FKBP9: variants seen among roughly 807,000 people sequenced by gnomAD.
FKBP9 encodes the protein peptidyl-prolyl cis-trans isomerase FKBP9.
A neutral mutation model predicts 55.6 loss-of-function variants in FKBP9; 27 were observed. That is an observed-to-expected ratio of 0.49 (90% confidence interval 0.36 to 0.67). The LOEUF is 0.67. FKBP9 is among the 30% of genes least tolerant of loss of function. FKBP9 has a pLI of 0.00. For missense variants in FKBP9, 539 were observed against 742.8 expected, an observed-to-expected ratio of 0.73 and a Z score of 3.19; for synonymous variants, 267 against 296.5, an observed-to-expected ratio of 0.90 and a Z score of 1.02.
intron 6 of FKBP9, among the ~76,000 whole-genome samples, chr7:32,995,263 G>A (rs1421029531): frequency 6.6e-6 from 1 of 151,912 alleles, no homozygotes; most frequent in Non-Finnish European, 1.5e-5. Flanking sequence ...TACCTAACCT[G>A]AGTTGGTTTT....
chr7:32,995,733 A>AC (rs1341672310), intron 6 of FKBP9, among the ~76,000 whole-genome samples: 1 of 152,058 alleles, frequency 6.6e-6, no homozygotes, highest in East Asian at 1.9e-4. Context: ...CAGTGGTAGG[A>AC]CATTGGAGTG....
At chr7:33,005,064 G>T (rs894216291) in intron 9 of FKBP9, 111 bp from the exon 10 acceptor site, 3 of 1,465,526 alleles carry the variant, frequency 2.0e-6, no homozygotes, top group Admixed American at 2.5e-5. Flanking sequence ...TGTGTTGGTA[G>T]CCCAGACTCA....
At chr7:33,002,485 A>G (rs1784952380) in intron 8 of FKBP9, among the ~76,000 whole-genome samples, 191 bp from the exon 9 acceptor site, 2 of 152,150 alleles carry the variant, frequency 1.3e-5, no homozygotes, top group Admixed American at 6.6e-5. Flanking sequence ...ACCACCCTCT[A>G]AACTGATTTC....
At chr7:32,968,473 C>T (rs1025277739) in intron 1 of FKBP9, among the ~76,000 whole-genome samples, 3 of 152,134 alleles carry the variant, frequency 2.0e-5, no homozygotes, top group African/African-American at 7.2e-5. Flanking sequence ...ATTCCAATTT[C>T]TCCATATCCT....
chr7:32,999,155 G>T (rs1562576051), intron 7 of FKBP9, among the ~76,000 whole-genome samples: 1 of 152,102 alleles, frequency 6.6e-6, no homozygotes, highest in African/African-American at 2.4e-5. Flanking sequence ...CCCTGTCTTG[G>T]TTTGCTGGTA....
rs6964996 is a variant in FKBP9 at position 33,000,854 on chromosome 7, A to G, written c.1372+594A>G. Among the ~76,000 whole-genome samples the G allele has an allele frequency of 5.6e-3, 850 of 152,050 alleles. 8 individuals carry two copies. Among genetic ancestry groups the G allele is most frequent in the African/African-American group, 0.02 (811 of 41,434 alleles). On this transcript the variant is annotated intron_variant, in intron 8 of 9. Coordinates refer to ENST00000242209, the MANE Select transcript of FKBP9 (RefSeq NM_007270.5). Reference sequence around the variant, plus strand: ...GGAGTGCAGTGGCACCATCATGGCTAACTGCAGCCTTGAACTCCTGGGCTC... The same window carrying G: ...GGAGTGCAGTGGCACCATCATGGCTGACTGCAGCCTTGAACTCCTGGGCTC...
intron 1 of FKBP9, among the ~76,000 whole-genome samples, chr7:32,973,262 A>T (rs138795727): frequency 1.8e-3 from 270 of 152,260 alleles, no homozygotes; most frequent in African/African-American, 6.2e-3. Flanking sequence ...GAAGAAGATA[A>T]AGGTGTGAGT....
intron 1 of FKBP9, among the ~76,000 whole-genome samples, chr7:32,965,523 A>T (rs1784115272): frequency 1.3e-5 from 2 of 151,950 alleles, no homozygotes; most frequent in Non-Finnish European, 2.9e-5. Context: ...CGTGGGGGCC[A>T]GGCACGGTGG....
intron 5 of FKBP9, among the ~76,000 whole-genome samples, chr7:32,984,417 G>A (rs1562569788): frequency 6.6e-6 from 1 of 151,900 alleles, no homozygotes; most frequent in African/African-American, 2.4e-5. Context: ...AAATTTGCCC[G>A]ACTCATTTTT....
At chr7:33,003,665 A>T (rs1194394020) in intron 9 of FKBP9, among the ~76,000 whole-genome samples, 1 of 152,084 alleles carries the variant, frequency 6.6e-6, no homozygotes, top group African/African-American at 2.4e-5. Context: ...ACTTCAACAC[A>T]GCTGATTCCC....
In FKBP9 at chr7:33,000,199, C is replaced by T. The variant is rs201284807; in HGVS notation, c.1311C>T (p.Cys437=). Residue 437 remains cysteine (C), a synonymous_variant, in exon 8 of 10, where the codon TGC becomes TGT. Coordinates refer to ENST00000242209, the MANE Select transcript of FKBP9 (RefSeq NM_007270.5). The part of the protein sequence containing the change: ...LGMDMGLREM[C]VGEKRTVIIP... The stretch of plus-strand genomic sequence containing the variant: ...TGGACATGGGTCTCAGAGAGATGTG[C>T]GTTGGCGAGAAACGGACAGTGATCA... The T allele has an allele frequency of 6.2e-6, 10 of 1,613,362 alleles. No homozygotes were observed. The highest frequency in any genetic ancestry group is 1.7e-5 in the Admixed American group (1 of 59,946).
intron 6 of FKBP9, among the ~76,000 whole-genome samples, chr7:32,992,199 G>A (rs1286052316): frequency 6.6e-6 from 1 of 151,628 alleles, no homozygotes; most frequent in African/African-American, 2.4e-5. Context: ...AAACACACCC[G>A]CTCAGAGGAA....
chr7:32,979,568 A>G (rs748229091), intron 4 of FKBP9: 1 of 1,549,982 alleles, frequency 6.5e-7, no homozygotes, highest in Non-Finnish European at 8.7e-7. Context: ...CCTTTGCATG[A>G]TATAACAAAT....
intron 5 of FKBP9, among the ~76,000 whole-genome samples, chr7:32,986,731 A>C (rs2127985228): frequency 6.6e-6 from 1 of 152,318 alleles, no homozygotes; most frequent in African/African-American, 2.4e-5. Context: ...GAACCCCCAC[A>C]GCTCTGCCTG....
chr7:32,980,182 T>C (rs542546264), intron 4 of FKBP9, among the ~76,000 whole-genome samples, 182 bp from the exon 5 acceptor site: 1 of 151,618 alleles, frequency 6.6e-6, no homozygotes, highest in East Asian at 1.9e-4. Flanking sequence ...AGTCAGGTTT[T>C]AGATTATACC....
chr7:32,967,969 G>T (rs1196580518), intron 1 of FKBP9, among the ~76,000 whole-genome samples: 1 of 152,154 alleles, frequency 6.6e-6, no homozygotes, highest in African/African-American at 2.4e-5. Context: ...TGGTCAGGCT[G>T]GTTTCTAACT....
In FKBP9 at chr7:32,980,492, G is replaced by A; in HGVS notation, c.832G>A (p.Gly278Arg). 1.2e-6 allele frequency: 2 copies of A among 1,613,804 alleles called. No individual in the cohort carries two copies. The highest frequency in any genetic ancestry group is 1.7e-4 in the Middle Eastern group (1 of 6,056). Residue 278 changes from glycine to arginine, a missense_variant, in exon 5 of 10, where the codon GGG (glycine) becomes AGG (arginine). Physicochemically the swap from Gly to Arg is moderately radical, Grantham distance 125. Coordinates refer to ENST00000242209, the MANE Select transcript of FKBP9 (RefSeq NM_007270.5). ...PENCERISQS[G>R]DFLRYHYNGT... ...AAACTGTGAGCGGATAAGTCAAAGTGGGGACTTTCTCAGGTATCATTACAA... is the reference window on the plus strand; with the variant it reads ...AAACTGTGAGCGGATAAGTCAAAGTAGGGACTTTCTCAGGTATCATTACAA...
At chr7:32,972,503 G>A (rs1345304544) in intron 1 of FKBP9, among the ~76,000 whole-genome samples, 1 of 152,148 alleles carries the variant, frequency 6.6e-6, no homozygotes, top group African/African-American at 2.4e-5. Flanking sequence ...GCATTCTCAT[G>A]AAGTAAATCC....
At chr7:32,970,292 G>A (rs1270730766) in intron 1 of FKBP9, among the ~76,000 whole-genome samples, 1 of 152,028 alleles carries the variant, frequency 6.6e-6, no homozygotes, top group Non-Finnish European at 1.5e-5. Flanking sequence ...CACCTCCCAA[G>A]TTCAAGCGAT....
Sources: gnomAD v4.1 joint callset for allele counts (sites outside exome capture counted in the v4.1 genomes callset) on GRCh38, gnomAD v4.1.1 for gene constraint, MANE v1.5 for transcripts, NCBI Gene and HGNC (gene_info 2026-07-23, HGNC 2026-07-21) for gene names.